The following RANBP17 variants were observed in gnomAD, a reference collection of about 807,000 sequenced individuals.
RANBP17 encodes ran-binding protein 17.
A neutral mutation model predicts 141.2 loss-of-function variants in RANBP17; 158 were observed. The ratio of observed to expected loss-of-function variants is 1.12; its 90% CI spans 0.98 to 1.28. The LOEUF (loss-of-function observed/expected upper bound fraction) is 1.28, where lower values mean the gene tolerates loss of function less well. Ranked by LOEUF, RANBP17 falls within the 50% of genes most tolerant of loss-of-function variation. The pLI, the probability that RANBP17 is intolerant of heterozygous loss-of-function variation, is 0.00. For synonymous variants in RANBP17, 430 were observed against 450.0 expected, an observed-to-expected ratio of 0.96 and a Z score of 0.56; for missense variants, 1,438 against 1,290.7, an observed-to-expected ratio of 1.11 and a Z score of -1.75.
chr5:171,118,265 G>A (rs983217101), intron 14 of RANBP17, among the ~76,000 whole-genome samples: 4 of 152,084 alleles, frequency 2.6e-5, no homozygotes, highest in Non-Finnish European at 5.9e-5. Context: ...CTTTCTGTTT[G>A]TATGCCAGTA....
chr5:170,933,305 CTTCT>C (rs1773559747), intron 12 of RANBP17, among the ~76,000 whole-genome samples: 1 of 151,866 alleles, frequency 6.6e-6, no homozygotes, highest in African/African-American at 2.4e-5. Context: ...TCTCTCTTTT[CTTCT>C]TTATTAGTCT....
chr5:171,222,714 T>A lies in RANBP17; in HGVS notation c.2422+874T>A, dbSNP rs1234365295. Among the ~76,000 whole-genome samples the A allele has an allele frequency of 2.6e-5, 4 of 152,260 alleles. No individual in the cohort carries two copies. In the East Asian group the frequency reaches 5.8e-4, roughly 22 times the overall value. On this transcript the variant is annotated intron_variant, in intron 22 of 27. Coordinates refer to ENST00000523189, the MANE Select transcript of RANBP17 (RefSeq NM_022897.5). Reference sequence around the variant, plus strand: ...CACGATCTCAGAGCTCACTGCAACATCCACATCCCAGGCTCAGGTGATCCT... The same window carrying A: ...CACGATCTCAGAGCTCACTGCAACAACCACATCCCAGGCTCAGGTGATCCT...
chr5:170,889,652 C>T (rs1019855665), intron 3 of RANBP17, among the ~76,000 whole-genome samples: 1 of 152,182 alleles, frequency 6.6e-6, no homozygotes, highest in African/African-American at 2.4e-5. Context: ...GCTTCATAAA[C>T]ATGAAATATT....
At chr5:171,070,327 T>C (rs907331042) in intron 14 of RANBP17, among the ~76,000 whole-genome samples, 2 of 152,180 alleles carry the variant, frequency 1.3e-5, no homozygotes, top group African/African-American at 4.8e-5. Context: ...TCAATATACT[T>C]AGTAGCCCTT....
At chr5:171,044,526 T>C (rs1158433620) in intron 14 of RANBP17, among the ~76,000 whole-genome samples, 2 of 152,044 alleles carry the variant, frequency 1.3e-5, no homozygotes, top group African/African-American at 4.8e-5. Context: ...GACTATAATA[T>C]TCAAATTGGT....
At chr5:171,172,051 T>C (rs1760136039) in intron 16 of RANBP17, among the ~76,000 whole-genome samples, 1 of 151,978 alleles carries the variant, frequency 6.6e-6, no homozygotes, top group Non-Finnish European at 1.5e-5. Context: ...GTTGGATTAA[T>C]CACTAAGATT....
intron 14 of RANBP17, among the ~76,000 whole-genome samples, chr5:170,996,876 A>G (rs1450598412): frequency 6.6e-6 from 1 of 152,208 alleles, no homozygotes; most frequent in Non-Finnish European, 1.5e-5. Context: ...TAAGTCCCCA[A>G]AACTGCATTT....
chr5:171,062,558 G>A (rs1344430575), intron 14 of RANBP17, among the ~76,000 whole-genome samples: 1 of 152,082 alleles, frequency 6.6e-6, no homozygotes, highest in African/African-American at 2.4e-5. Context: ...TCCCTTTGAG[G>A]GTAACCCAAC....
At chr5:171,269,885 C>G (rs546125415) in intron 25 of RANBP17, among the ~76,000 whole-genome samples, 1 of 152,288 alleles carries the variant, frequency 6.6e-6, no homozygotes, top group African/African-American at 2.4e-5. Flanking sequence ...ACCCTAATGA[C>G]TAATTGTGCT....
At chr5:171,110,410 T>C (rs1469882806) in intron 14 of RANBP17, among the ~76,000 whole-genome samples, 2 of 152,206 alleles carry the variant, frequency 1.3e-5, no homozygotes, top group African/African-American at 2.4e-5. Context: ...TGTAGCATAG[T>C]GCACAGCCTG....
intron 24 of RANBP17, chr5:171,252,906 TGAA>T (rs1371927876): frequency 1.4e-6 from 2 of 1,439,834 alleles, no homozygotes; most frequent in East Asian, 2.3e-5. Flanking sequence ...CACAAGCTAT[TGAA>T]GAAGTCTACG....
chr5:171,225,538 G>A (rs755541656), intron 22 of RANBP17, among the ~76,000 whole-genome samples: 2 of 152,164 alleles, frequency 1.3e-5, no homozygotes, highest in Non-Finnish European at 2.9e-5. Context: ...TAGAAGATGA[G>A]GGAAAGAGTG....
chr5:171,232,489 C>T lies in RANBP17; in HGVS notation c.2423-8439C>T, dbSNP rs367933282. On this transcript the variant is annotated intron_variant, in intron 22 of 27. Coordinates refer to ENST00000523189, the MANE Select transcript of RANBP17 (RefSeq NM_022897.5). ...CATCTTTTTTCATGCAAAATAATTT[C>T]TTTTCTTTTTTTTCTTTTCTCTAAC... is the stretch of plus-strand genomic sequence containing the variant. Among the ~76,000 whole-genome samples, 243 of 152,106 alleles carry T rather than the reference C, an allele frequency of 1.6e-3. 9 individuals are homozygous for T. The South Asian group carries it at 0.039, about 24-fold the overall frequency.
intron 4 of RANBP17, among the ~76,000 whole-genome samples, chr5:170,894,482 TTTTTTATATATATA>T (rs1769930171): frequency 2.6e-5 from 1 of 38,536 alleles, no homozygotes; most frequent in South Asian, 2.7e-3. Flanking sequence ...TTAGTACGTG[TTTTTTATATATATA>T]TATATATATA....
At chr5:171,096,817 G>C (rs183771354) in intron 14 of RANBP17, among the ~76,000 whole-genome samples, 79 of 152,200 alleles carry the variant, frequency 5.2e-4, no homozygotes, top group African/African-American at 1.8e-3. Flanking sequence ...GTACTTTAAA[G>C]CCTACTTTAT....
intron 14 of RANBP17, among the ~76,000 whole-genome samples, chr5:171,063,655 C>G (rs890604789): frequency 3.9e-5 from 6 of 152,224 alleles, no homozygotes; most frequent in South Asian, 2.1e-4. Flanking sequence ...TCTCAGATCT[C>G]AAACTGCATG....
intron 14 of RANBP17, among the ~76,000 whole-genome samples, chr5:171,023,491 T>C (rs1781027109): frequency 6.6e-6 from 1 of 152,298 alleles, no homozygotes; most frequent in African/African-American, 2.4e-5. Flanking sequence ...GTGATATCCT[T>C]TTTATTTTCT....
chr5:170,976,274 A>G (rs780927624), intron 14 of RANBP17, among the ~76,000 whole-genome samples: 4 of 152,228 alleles, frequency 2.6e-5, no homozygotes, highest in Non-Finnish European at 4.4e-5. Context: ...ATAGGAATAA[A>G]TTTAACAAAA....
chr5:171,213,246 TAACTC>T (rs1362759622), intron 20 of RANBP17, among the ~76,000 whole-genome samples: 2 of 152,240 alleles, frequency 1.3e-5, no homozygotes, highest in East Asian at 3.9e-4. Context: ...CTGATAATAA[TAACTC>T]AAATATATTT....
Sources: gnomAD v4.1 joint callset for allele counts (sites outside exome capture counted in the v4.1 genomes callset) on GRCh38, gnomAD v4.1.1 for gene constraint, MANE v1.5 for transcripts, NCBI Gene and HGNC (gene_info 2026-07-23, HGNC 2026-07-21) for gene names.